Variants in FHIT observed in about 807,000 individuals in gnomAD.
The protein encoded by FHIT is fragile histidine triad diadenosine triphosphatase, also known as bis(5'-adenosyl)-triphosphatase.
In FHIT, 19 loss-of-function variants were observed where a neutral mutation model predicts 17.9. The ratio of observed to expected loss-of-function variants is 1.06; its 90% confidence interval spans 0.74 to 1.56. The LOEUF (loss-of-function observed/expected upper bound fraction) is 1.56, where lower values mean the gene tolerates loss of function less well. Among genes scored for constraint, FHIT ranks in the 40% most tolerant of loss-of-function variants. The pLI, the probability that FHIT is intolerant of heterozygous loss-of-function variation, is 0.00. For missense variants in FHIT, 248 were observed against 189.2 expected (o/e 1.31, Z -1.82); for synonymous variants, 81 against 69.7 (o/e 1.16, Z -0.81).
At chr3:60,862,229 A>T (rs1335905248) in intron 3 of FHIT, among the ~76,000 whole-genome samples, 1 of 151,874 alleles carries the variant, frequency 6.6e-6, no homozygotes, top group South Asian at 2.1e-4. Context: ...CCCAGGCTGG[A>T]GTGCGGCAGT....
At chr3:60,322,841 A>G (rs1272887840) in intron 5 of FHIT, among the ~76,000 whole-genome samples, 1 of 152,226 alleles carries the variant, frequency 6.6e-6, no homozygotes, top group Non-Finnish European at 1.5e-5. Flanking sequence ...CGACGACTAT[A>G]AAAGATGATC....
chr3:60,127,097 T>A (rs537499870), intron 5 of FHIT, among the ~76,000 whole-genome samples: 2 of 152,258 alleles, frequency 1.3e-5, no homozygotes, highest in African/African-American at 4.8e-5. Context: ...TAGCTTCTAC[T>A]TGTGCAATCT....
At chr3:60,641,779 T>G (rs1553685355) in intron 4 of FHIT, among the ~76,000 whole-genome samples, 1 of 152,128 alleles carries the variant, frequency 6.6e-6, no homozygotes, top group Admixed American at 6.5e-5. Context: ...TCTGATGGCA[T>G]CAGTCAGAAT....
At chr3:60,921,290 A>G (rs1707266554) in intron 3 of FHIT, among the ~76,000 whole-genome samples, 1 of 152,196 alleles carries the variant, frequency 6.6e-6, no homozygotes, top group African/African-American at 2.4e-5. Context: ...ATATGCTGGT[A>G]TTGTATAGCT....
chr3:60,208,692 G>A (rs1218423824), intron 5 of FHIT, among the ~76,000 whole-genome samples: 1 of 152,152 alleles, frequency 6.6e-6, no homozygotes, highest in Non-Finnish European at 1.5e-5. Context: ...TTTCTCAATA[G>A]TATAATTCTG....
chr3:60,186,037 T>C (rs1702144402), intron 5 of FHIT, among the ~76,000 whole-genome samples: 1 of 152,216 alleles, frequency 6.6e-6, no homozygotes. Flanking sequence ...GTTCTTTCTA[T>C]ATTATGGATA....
chr3:60,143,677 C>A (rs1700125784), intron 5 of FHIT, among the ~76,000 whole-genome samples: 1 of 152,034 alleles, frequency 6.6e-6, no homozygotes, highest in Non-Finnish European at 1.5e-5. Context: ...TTTCTATTGC[C>A]AACTATAAGT....
chr3:60,264,446 T>C (rs1706468879), intron 5 of FHIT, among the ~76,000 whole-genome samples: 1 of 151,776 alleles, frequency 6.6e-6, no homozygotes, highest in African/African-American at 2.4e-5. Context: ...CAGTGGAAAA[T>C]TATCATTAGA....
chr3:61,062,650 C>G (rs2034468455), intron 2 of FHIT, among the ~76,000 whole-genome samples: 1 of 152,162 alleles, frequency 6.6e-6, no homozygotes, highest in East Asian at 1.9e-4. Context: ...TGCTTTTGGA[C>G]AGTATAAATG....
At chr3:60,237,879 T>C (rs909907134) in intron 5 of FHIT, among the ~76,000 whole-genome samples, 2 of 152,142 alleles carry the variant, frequency 1.3e-5, no homozygotes, top group Non-Finnish European at 2.9e-5. Context: ...CTTATGCCTA[T>C]AATCCCAGTA....
intron 2 of FHIT, among the ~76,000 whole-genome samples, chr3:61,167,889 A>G (rs1439831869): frequency 1.3e-5 from 2 of 152,148 alleles, no homozygotes; most frequent in Non-Finnish European, 1.5e-5. Context: ...AGGAAACCCA[A>G]TTTCAGTGAG....
intron 5 of FHIT, among the ~76,000 whole-genome samples, chr3:60,096,099 C>T (rs781277973): frequency 1.3e-5 from 2 of 152,214 alleles, no homozygotes; most frequent in African/African-American, 2.4e-5. Context: ...CTCACTCGGC[C>T]ATGCTACTTG....
At chr3:60,088,517 A>C (rs999574313) in intron 5 of FHIT, among the ~76,000 whole-genome samples, 12 of 152,168 alleles carry the variant, frequency 7.9e-5, no homozygotes, top group Non-Finnish European at 1.3e-4. Flanking sequence ...CATGTCATGG[A>C]AACCCCAACT....
In FHIT at chr3:60,206,147, A is replaced by G. The variant is rs953003282; in HGVS notation, c.104-191995T>C. 6.2e-4 allele frequency among the ~76,000 whole-genome samples: 78 copies of G among 126,132 alleles called. No homozygotes were observed. The South Asian group carries it at 0.017, about 27-fold the overall frequency. The allele number at this position is 126,132 out of a possible 152,430, so 82.7% of individuals were successfully genotyped here. The stretch of plus-strand genomic sequence containing the variant: ...GACTCCGTCTCAAAAAAAAAAAAAA[A>G]TAAATAATAATAATAATAATAATAA... On this transcript the variant is annotated intron_variant, in intron 5 of 9. Transcript: ENST00000492590.
At chr3:59,844,824 G>A (rs1383441273) in intron 8 of FHIT, among the ~76,000 whole-genome samples, 1 of 152,154 alleles carries the variant, frequency 6.6e-6, no homozygotes, top group Non-Finnish European at 1.5e-5. Context: ...TTCATAGAAT[G>A]AGGAAGTGTT....
intron 5 of FHIT, among the ~76,000 whole-genome samples, chr3:60,382,732 C>G (rs988650139): frequency 6.6e-6 from 1 of 152,256 alleles, no homozygotes; most frequent in East Asian, 1.9e-4. Context: ...GATACTGTGA[C>G]TCCAATAGGG....
intron 3 of FHIT, among the ~76,000 whole-genome samples, chr3:60,968,420 T>A (rs1428171934): frequency 2.5e-4 from 8 of 31,658 alleles, no homozygotes; most frequent in Admixed American, 1.3e-3. Flanking sequence ...GCTGTAGGAC[T>A]TTTTTTTTTT....
At chr3:61,233,245 T>TACAC (rs145433582) in intron 1 of FHIT, among the ~76,000 whole-genome samples, 1 of 150,944 alleles carries the variant, frequency 6.6e-6, no homozygotes, top group Non-Finnish European at 1.5e-5. Context: ...GAGATTTGTG[T>TACAC]ACACACACAC....
intron 5 of FHIT, among the ~76,000 whole-genome samples, chr3:60,061,099 T>C (rs1401267492): frequency 3.3e-5 from 5 of 152,314 alleles, no homozygotes; most frequent in South Asian, 2.1e-4. Flanking sequence ...ATGAAACCTG[T>C]CACTTTCAAG....
Sources: allele counts gnomAD v4.1 joint callset (sites outside exome capture counted in the v4.1 genomes callset), GRCh38; gene constraint gnomAD v4.1.1; transcripts MANE v1.5; gene names NCBI Gene and HGNC (gene_info 2026-07-23, HGNC 2026-07-21).